MRPL1: variants seen among roughly 807,000 people sequenced by gnomAD.
MRPL1 encodes mitochondrial ribosomal protein L1, also known as large ribosomal subunit protein uL1m.
MRPL1 carries 28 observed loss-of-function variants against 38.0 expected under a neutral mutation model. That is an observed-to-expected ratio of 0.74 (90% CI 0.55 to 1.01). MRPL1 has a LOEUF of 1.01. Among genes scored for constraint, MRPL1 ranks in the 50% least tolerant of loss-of-function variants. The pLI is 0.00. For synonymous variants in MRPL1, 123 were observed against 126.7 expected (o/e 0.97, Z 0.20); for missense variants, 358 against 389.8 (o/e 0.92, Z 0.69).
chr4:77,920,650 C>T (rs1736547685), intron 7 of MRPL1, among the ~76,000 whole-genome samples: 1 of 152,184 alleles, frequency 6.6e-6, no homozygotes, highest in African/African-American at 2.4e-5. Context: ...GGAAGTCTGG[C>T]TTCTGCTAAT....
At chr4:77,935,070 T>C (rs1736933536) in intron 7 of MRPL1, among the ~76,000 whole-genome samples, 2 of 152,192 alleles carry the variant, frequency 1.3e-5, no homozygotes, top group South Asian at 4.1e-4. Context: ...TATACTGTTA[T>C]TTTGTTTATA....
intron 7 of MRPL1, among the ~76,000 whole-genome samples, chr4:77,926,573 A>G (rs1477326693): frequency 1.3e-5 from 2 of 150,766 alleles, no homozygotes; most frequent in Non-Finnish European, 2.9e-5. Context: ...ACTATTTGAC[A>G]TGATTTAAGA....
At chr4:77,948,759 C>T (rs1737333182) in intron 7 of MRPL1, among the ~76,000 whole-genome samples, 1 of 148,728 alleles carries the variant, frequency 6.7e-6, no homozygotes, top group African/African-American at 2.5e-5. Context: ...TTATATGAAT[C>T]TTCTTCTTCT....
At chr4:77,882,100 C>T (rs1049904980) in intron 2 of MRPL1, among the ~76,000 whole-genome samples, 2 of 152,176 alleles carry the variant, frequency 1.3e-5, no homozygotes, top group African/African-American at 4.8e-5. Flanking sequence ...ATTTGCACTA[C>T]AGTGGCAGCG....
At chr4:77,874,061 C>G (rs1047677655) in intron 2 of MRPL1, among the ~76,000 whole-genome samples, 3 of 150,092 alleles carry the variant, frequency 2.0e-5, no homozygotes, top group African/African-American at 7.4e-5. Flanking sequence ...CGCGGTGCTG[C>G]GATCTTGGCT....
intron 7 of MRPL1, among the ~76,000 whole-genome samples, chr4:77,909,992 A>G (rs776929108): frequency 3.3e-5 from 5 of 152,110 alleles, no homozygotes; most frequent in Non-Finnish European, 5.9e-5. Flanking sequence ...AACATATGTA[A>G]TTTTTTTCTT....
At chr4:77,938,047 G>A (rs1200730038) in intron 7 of MRPL1, among the ~76,000 whole-genome samples, 1 of 152,112 alleles carries the variant, frequency 6.6e-6, no homozygotes, top group Admixed American at 6.6e-5. Context: ...CAAAAATGGT[G>A]GCTTTTACTC....
chr4:77,896,306 A>G (rs1331411165), intron 6 of MRPL1, among the ~76,000 whole-genome samples: 1 of 152,000 alleles, frequency 6.6e-6, no homozygotes, highest in African/African-American at 2.4e-5. Flanking sequence ...TTCTCCTTTC[A>G]TAATGAATTG....
chr4:77,949,175 A>G (rs778321447), intron 7 of MRPL1, among the ~76,000 whole-genome samples: 47 of 152,356 alleles, frequency 3.1e-4, no homozygotes, highest in Non-Finnish European at 5.4e-4. Flanking sequence ...AATAAGAGTA[A>G]TTGAATTTGA....
At chr4:77,885,724 G>A (rs1465201846) in intron 4 of MRPL1, among the ~76,000 whole-genome samples, 1 of 152,046 alleles carries the variant, frequency 6.6e-6, no homozygotes, top group East Asian at 1.9e-4. Context: ...CCAATCATTA[G>A]CACCCTGAAT....
At chr4:77,889,939 G>GGACTA (rs981601765) in intron 5 of MRPL1, among the ~76,000 whole-genome samples, 1 of 152,098 alleles carries the variant, frequency 6.6e-6, no homozygotes, top group Non-Finnish European at 1.5e-5. Flanking sequence ...GGAAGAAGTT[G>GGACTA]AATCCCTGAA....
In MRPL1 at chr4:77,902,322, T is replaced by C. The variant is rs141170143; in HGVS notation, c.671-6944T>C. 2.0e-5 allele frequency among the ~76,000 whole-genome samples: 3 copies of C among 150,810 alleles called. No homozygotes were observed. The East Asian group carries it at 5.9e-4, about 29-fold the overall frequency. On this transcript the variant is annotated intron_variant, in intron 6 of 8. Coordinates refer to ENST00000315567, the MANE Select transcript of MRPL1 (RefSeq NM_020236.4). ...CTAGGAGTTCAGGGTGGCAGTGCTC[T>C]ATGATTGTGCCTGTGCATAGCCACT...
intron 7 of MRPL1, among the ~76,000 whole-genome samples, chr4:77,926,144 G>C (rs1387150406): frequency 1.3e-5 from 2 of 152,186 alleles, no homozygotes; most frequent in Non-Finnish European, 2.9e-5. Flanking sequence ...GATGGGACAG[G>C]AGGAATCTGA....
At position 77,936,419 on chromosome 4, in the gene MRPL1, C is replaced by T. The variant is rs189456535; in HGVS notation, c.778-13378C>T. Among the ~76,000 whole-genome samples, 10 of 151,910 alleles carry T rather than the reference C, an allele frequency of 6.6e-5. No individual in the cohort carries two copies. The East Asian group carries it at 1.7e-3, about 26-fold the overall frequency. ...TCTTTAAAAACAAAACAAAACAAAACAAAAAATGCTTCTGCTATAGCAAAG... is the reference window on the plus strand; with the variant it reads ...TCTTTAAAAACAAAACAAAACAAAATAAAAAATGCTTCTGCTATAGCAAAG... On this transcript the variant is annotated intron_variant, in intron 7 of 8. Coordinates refer to ENST00000315567, the MANE Select transcript of MRPL1 (RefSeq NM_020236.4).
intron 7 of MRPL1, among the ~76,000 whole-genome samples, chr4:77,921,492 G>A (rs764867969): frequency 6.6e-6 from 1 of 152,120 alleles, no homozygotes; most frequent in South Asian, 2.1e-4. Context: ...AAGTATTCTT[G>A]AGACAGGAGG....
chr4:77,937,044 G>C (rs1737000463), intron 7 of MRPL1, among the ~76,000 whole-genome samples: 1 of 152,064 alleles, frequency 6.6e-6, no homozygotes, highest in Admixed American at 6.6e-5. Flanking sequence ...AAGATTGCTT[G>C]AGGCCAGGAG....
At chr4:77,945,625 G>A (rs1737242706) in intron 7 of MRPL1, among the ~76,000 whole-genome samples, 1 of 151,772 alleles carries the variant, frequency 6.6e-6, no homozygotes, top group Non-Finnish European at 1.5e-5. Context: ...TTTTCCATAA[G>A]TGTCGGCCGG....
intron 5 of MRPL1, among the ~76,000 whole-genome samples, chr4:77,893,457 T>G (rs1463323678): frequency 6.6e-6 from 1 of 152,156 alleles, no homozygotes; most frequent in Non-Finnish European, 1.5e-5. Context: ...AGAGTTTAAG[T>G]GGAGTATATT....
chr4:77,902,830 C>G (rs937738920), intron 6 of MRPL1, among the ~76,000 whole-genome samples: 16 of 152,100 alleles, frequency 1.1e-4, no homozygotes, highest in Admixed American at 1.0e-3. Flanking sequence ...CTGAATAGAT[C>G]TGTATAAAGG....
Sources: gnomAD v4.1 joint callset for allele counts (sites outside exome capture counted in the v4.1 genomes callset) on GRCh38, gnomAD v4.1.1 for gene constraint, MANE v1.5 for transcripts, NCBI Gene and HGNC (gene_info 2026-07-23, HGNC 2026-07-21) for gene names.